CCDC30: variants seen among roughly 807,000 people sequenced by gnomAD.
CCDC30 encodes coiled-coil domain-containing protein 30.
In CCDC30, 70 loss-of-function variants were observed where a neutral mutation model predicts 100.2. The ratio of observed to expected loss-of-function variants is 0.70; its 90% CI spans 0.58 to 0.85. The LOEUF is 0.85. Ranked by LOEUF, CCDC30 falls within the 40% of genes least tolerant of loss-of-function variation. The pLI is 0.00. For missense variants in CCDC30, 652 were observed against 771.2 expected (o/e 0.85, Z 1.83); for synonymous variants, 233 against 269.5 (o/e 0.86, Z 1.33).
chr1:42,632,305 AT>A (rs1327811279), intron 11 of CCDC30, among the ~76,000 whole-genome samples: 1 of 152,216 alleles, frequency 6.6e-6, no homozygotes, highest in Non-Finnish European at 1.5e-5. Context: ...CCAGTGCCCT[AT>A]CCTGCTGTGG....
In CCDC30 at chr1:42,545,755, T is replaced by C. The variant is rs146298162; in HGVS notation, c.457-20541T>C. On this transcript the variant is annotated intron_variant, in intron 6 of 16. Transcript: ENST00000668663. ...TGAGCTCAGGAGTTTGAGACCAGCC[T>C]GGGCAACATGGCAAACCCCATCTCT... 4.3e-4 allele frequency among the ~76,000 whole-genome samples: 66 copies of C among 152,084 alleles called. 1 individual carries two copies. The highest frequency in any genetic ancestry group is 1.5e-3 in the African/African-American group (61 of 41,476).
Position 42,642,599 on chromosome 1 carries a change from A to C in CCDC30, c.1546A>C (p.Ile516Leu), listed in dbSNP as rs559086051. The C allele has an allele frequency of 3.1e-6, 5 of 1,591,530 alleles. No individual in the cohort carries two copies. In the East Asian group the frequency reaches 9.2e-5, roughly 29 times the overall value. ...CAGCAACAAATGGACGATATCTTCC[A>C]TCCAGAGCAGGTAGGTGCCATCCTG... is the stretch of plus-strand genomic sequence containing the variant. Residue 516 changes from isoleucine (I) to leucine (L), a missense_variant, in exon 13 of 17, where the codon ATC becomes CTC. Ile to Leu is a conservative substitution (Grantham distance 5, BLOSUM62 2). Coordinates refer to ENST00000668663, the Ensembl canonical transcript of CCDC30.
chr1:42,633,785 T>C (rs1428022886), intron 11 of CCDC30, among the ~76,000 whole-genome samples: 1 of 152,188 alleles, frequency 6.6e-6, no homozygotes, highest in East Asian at 1.9e-4. Context: ...ATAGTTGTAT[T>C]AGTCACTTCT....
At chr1:42,481,848 T>G (rs1258829540) in intron 2 of CCDC30, among the ~76,000 whole-genome samples, 1 of 152,084 alleles carries the variant, frequency 6.6e-6, no homozygotes, top group Non-Finnish European at 1.5e-5. Context: ...ATAGCAAAAA[T>G]CAGAAGCTAT....
intron 1 of CCDC30, chr1:42,473,235 G>A (rs1643826344): frequency 4.9e-6 from 6 of 1,231,458 alleles, no homozygotes; most frequent in Admixed American, 4.2e-5. Flanking sequence ...GCACAGTGAA[G>A]ACAGGCTGAG....
At chr1:42,547,584 T>A (rs753029395) in intron 6 of CCDC30, among the ~76,000 whole-genome samples, 2 of 152,298 alleles carry the variant, frequency 1.3e-5, no homozygotes, top group Middle Eastern at 3.4e-3. Flanking sequence ...ATAATGGCCT[T>A]CCCTCTTAAG....
chr1:42,652,356 T>C (rs1648422371), intron 15 of CCDC30, among the ~76,000 whole-genome samples: 1 of 152,218 alleles, frequency 6.6e-6, no homozygotes, highest in Admixed American at 6.5e-5. Flanking sequence ...AGGTGCAATG[T>C]TTCAGTTAGA....
intron 13 of CCDC30, among the ~76,000 whole-genome samples, chr1:42,643,919 A>G (rs1323943922): frequency 6.6e-6 from 1 of 152,166 alleles, no homozygotes; most frequent in Non-Finnish European, 1.5e-5. Context: ...TGTAGCTACA[A>G]TATTTGAAGG....
chr1:42,654,445 T>C (rs924073733), downstream of CCDC30: 23 of 164,102 alleles, frequency 1.4e-4, no homozygotes, highest in Non-Finnish European at 2.8e-4. Context: ...TCCCAGCACT[T>C]TGGGAGGCTG....
At chr1:42,470,510 A>G (rs776881753) in intron 1 of CCDC30, among the ~76,000 whole-genome samples, 12 of 152,248 alleles carry the variant, frequency 7.9e-5, no homozygotes, top group Non-Finnish European at 1.5e-4. Context: ...CTTTTACACC[A>G]GTGTTCATAG....
chr1:42,550,967 T>C (rs893951495), intron 6 of CCDC30, among the ~76,000 whole-genome samples: 1 of 152,252 alleles, frequency 6.6e-6, no homozygotes, highest in Non-Finnish European at 1.5e-5. Flanking sequence ...ATATCTTTTT[T>C]ATTTTTTATT....
At chr1:42,484,621 G>A (rs150535283) in intron 3 of CCDC30, among the ~76,000 whole-genome samples, 13 of 152,258 alleles carry the variant, frequency 8.5e-5, no homozygotes, top group Admixed American at 4.6e-4. Flanking sequence ...CAGTGTGTGC[G>A]CCATCTGTAA....
At chr1:42,652,282 A>G (rs1461677219) in intron 15 of CCDC30, among the ~76,000 whole-genome samples, 1 of 152,202 alleles carries the variant, frequency 6.6e-6, no homozygotes, top group Admixed American at 6.5e-5. Flanking sequence ...ACATGTAAGC[A>G]TAGAGCAAAA....
intron 1 of CCDC30, among the ~76,000 whole-genome samples, chr1:42,466,557 G>T (rs1321836512): frequency 1.2e-4 from 18 of 145,212 alleles, no homozygotes; most frequent in South Asian, 8.6e-4. Context: ...GTTTTGTTTT[G>T]TTTTTTTTTT....
intron 14 of CCDC30, among the ~76,000 whole-genome samples, chr1:42,645,344 G>A (rs1019155016): frequency 1.3e-5 from 2 of 152,014 alleles, no homozygotes; most frequent in Non-Finnish European, 2.9e-5. Context: ...AGCCTAAAGA[G>A]AGCATCTGAG....
At chr1:42,460,006 A>G, upstream of CCDC30, 1 of 1,484,764 alleles carries the variant, frequency 6.7e-7, no homozygotes. Flanking sequence ...CATGGCTTTC[A>G]TATGGACAGA....
At chr1:42,495,771 G>T (rs1036428362) in intron 4 of CCDC30, among the ~76,000 whole-genome samples, 2 of 152,102 alleles carry the variant, frequency 1.3e-5, no homozygotes, top group African/African-American at 4.8e-5. Flanking sequence ...TGCTTCATTA[G>T]TGAATTCTAA....
chr1:42,459,405 C>A, upstream of CCDC30: 1 of 590,470 alleles, frequency 1.7e-6, no homozygotes, highest in East Asian at 2.8e-5. Flanking sequence ...AAGCGATCCA[C>A]CCATCCTGGC....
intron 1 of CCDC30, among the ~76,000 whole-genome samples, chr1:42,471,995 T>G (rs1310506252): frequency 6.6e-6 from 1 of 152,220 alleles, no homozygotes; most frequent in Non-Finnish European, 1.5e-5. Context: ...TGTATTTGAT[T>G]AGAACAGCAA....
Sources: allele counts gnomAD v4.1 joint callset (sites outside exome capture counted in the v4.1 genomes callset), GRCh38; gene constraint gnomAD v4.1.1; transcripts MANE v1.5; gene names NCBI Gene and HGNC (gene_info 2026-07-23, HGNC 2026-07-21).